The following ANO1 variants were observed in gnomAD, a reference collection of about 807,000 sequenced individuals.
The protein encoded by ANO1 is anoctamin 1.
ANO1 carries 59 observed loss-of-function variants against 124.0 expected under a neutral mutation model. That is an observed-to-expected ratio of 0.48 (90% confidence interval 0.39 to 0.59). The LOEUF is 0.59. ANO1 is among the 20% of genes least tolerant of loss of function. ANO1 has a pLI of 0.00. For synonymous variants in ANO1, 529 were observed against 532.0 expected (o/e 0.99, Z 0.08); for missense variants, 1,059 against 1,328.0 (o/e 0.80, Z 3.15).
At chr11:70,112,803 C>A (rs950738722) in intron 7 of ANO1, among the ~76,000 whole-genome samples, 10 of 152,182 alleles carry the variant, frequency 6.6e-5, no homozygotes, top group African/African-American at 2.4e-4. Context: ...AAGTGATCCA[C>A]CCACCTCAGC....
intron 5 of ANO1, among the ~76,000 whole-genome samples, chr11:70,106,283 A>C (rs537031453): frequency 6.6e-6 from 1 of 152,320 alleles, no homozygotes; most frequent in South Asian, 2.1e-4. Context: ...TGCCCTATTC[A>C]AGGCACTGGC....
intron 2 of ANO1, among the ~76,000 whole-genome samples, chr11:70,095,364 A>G (rs531427660): frequency 7.3e-5 from 2 of 27,306 alleles, no homozygotes; most frequent in South Asian, 3.0e-3. Flanking sequence ...GAAAGAAAGA[A>G]AGAAAGAAAG....
chr11:70,127,837 C>G (rs1212490117), intron 10 of ANO1, among the ~76,000 whole-genome samples: 1 of 152,266 alleles, frequency 6.6e-6, no homozygotes, highest in Non-Finnish European at 1.5e-5. Context: ...GGCAGGGTTT[C>G]TATGCCGACA....
At chr11:70,181,838 C>A (rs946708804) in intron 23 of ANO1, among the ~76,000 whole-genome samples, 1 of 151,896 alleles carries the variant, frequency 6.6e-6, no homozygotes, top group Admixed American at 6.6e-5. Flanking sequence ...TGTTCTAGAA[C>A]CTTCTAAGCT....
At chr11:70,184,881 G>A (rs1409530591) in intron 24 of ANO1, among the ~76,000 whole-genome samples, 3 of 152,070 alleles carry the variant, frequency 2.0e-5, no homozygotes, top group Admixed American at 1.3e-4. Flanking sequence ...CGAGTAGCTG[G>A]GAATACAGGC....
intron 8 of ANO1, among the ~76,000 whole-genome samples, chr11:70,118,629 G>A (rs1160396444): frequency 7.5e-6 from 1 of 133,842 alleles, no homozygotes; most frequent in East Asian, 2.6e-4. Flanking sequence ...TTATGGATGG[G>A]TGAATGGGTG....
chr11:70,103,928 C>A (rs2045382299), intron 3 of ANO1, 71 bp from the exon 4 acceptor site: 1 of 1,524,684 alleles, frequency 6.6e-7, no homozygotes, highest in Admixed American at 2.0e-5. Context: ...CTCTGACCAT[C>A]CGAGAACAGA....
At chr11:70,004,754 TG>T (rs1207057263) in intron 1 of ANO1, among the ~76,000 whole-genome samples, 1 of 152,186 alleles carries the variant, frequency 6.6e-6, no homozygotes, top group Admixed American at 6.5e-5. Context: ...TTTAACACAG[TG>T]GGCACAAGTG....
At chr11:69,987,721 T>A (rs61885142) in intron 1 of ANO1, among the ~76,000 whole-genome samples, 12,827 of 151,264 alleles carry the variant, frequency 0.085, 701 homozygotes, top group East Asian at 0.14. Context: ...CACCCAGCAA[T>A]GCTTCTAGGA....
At chr11:70,127,844 G>T (rs551198193) in intron 10 of ANO1, among the ~76,000 whole-genome samples, 1 of 152,254 alleles carries the variant, frequency 6.6e-6, no homozygotes, top group Non-Finnish European at 1.5e-5. Context: ...TTTCTATGCC[G>T]ACAGGCAGTG....
At chr11:70,075,974 C>T (rs545229292), upstream of ANO1, among the ~76,000 whole-genome samples, 9 of 152,212 alleles carry the variant, frequency 5.9e-5, no homozygotes, top group South Asian at 2.1e-4. Context: ...CCTAGACCCA[C>T]GAACCCCCGG....
At chr11:70,040,661 C>T (rs549329593) in intron 1 of ANO1, among the ~76,000 whole-genome samples, 4 of 152,156 alleles carry the variant, frequency 2.6e-5, no homozygotes, top group African/African-American at 4.8e-5. Flanking sequence ...GGTGACAGAG[C>T]GAGACTCTGT....
At position 70,106,324 on chromosome 11, in the gene ANO1, AG is replaced by A. The variant is rs1484868789; in HGVS notation, c.747+537del. 5.3e-5 allele frequency among the ~76,000 whole-genome samples: 8 copies of A among 152,216 alleles called. No homozygotes were observed. In the South Asian group the frequency reaches 1.7e-3, roughly 31 times the overall value. On this transcript the variant is annotated intron_variant, in intron 5 of 25. Transcript: ENST00000355303. ...GTTTATCCAACCTGTCCACCAGCCA[AG>A]CTGGGGCTGTGCATGGCTCAGGACC...
chr11:69,967,033 G>A, the ANO1 span, among the ~76,000 whole-genome samples: 8 of 152,292 alleles, frequency 5.3e-5, no homozygotes, highest in Non-Finnish European at 8.8e-5. Flanking sequence ...TGGCCTCCAC[G>A]CAGTAGAGGC....
In ANO1 at chr11:70,147,146, G is replaced by C. The variant is rs112637841; in HGVS notation, c.1259-2564G>C. 2.6e-5 allele frequency among the ~76,000 whole-genome samples: 4 copies of C among 152,362 alleles called. No homozygotes were observed. In the East Asian group the frequency reaches 7.7e-4, roughly 29 times the overall value. ...CGGGCAGTGCTCGGCCCCAGAAAGC[G>C]TCGTAAAAGGGCGTTGTTGGCCTGG... On this transcript the variant is annotated intron_variant, in intron 11 of 25. Coordinates refer to ENST00000355303, the MANE Select transcript of ANO1 (RefSeq NM_018043.7).
the ANO1 span, among the ~76,000 whole-genome samples, chr11:69,971,178 G>C: frequency 6.6e-6 from 1 of 152,192 alleles, no homozygotes; most frequent in Non-Finnish European, 1.5e-5. Context: ...GCACCAACTA[G>C]CTGGAGACCT....
chr11:70,115,689 G>T (rs1216277991), intron 7 of ANO1, among the ~76,000 whole-genome samples: 1 of 152,134 alleles, frequency 6.6e-6, no homozygotes, highest in Non-Finnish European at 1.5e-5. Context: ...CCTGAACCTC[G>T]ACAGGGCCGC....
At chr11:70,157,476 A>G (rs1240138300) in intron 16 of ANO1, among the ~76,000 whole-genome samples, 1 of 151,858 alleles carries the variant, frequency 6.6e-6, no homozygotes, top group Non-Finnish European at 1.5e-5. Flanking sequence ...TCCTCAGGGC[A>G]GTGGGTGGGG....
intron 1 of ANO1, among the ~76,000 whole-genome samples, chr11:69,988,914 T>A (rs557858968): frequency 7.0e-6 from 1 of 142,226 alleles, no homozygotes; most frequent in African/African-American, 2.7e-5. Context: ...AGGGAGGGAA[T>A]GAGGAAGGAA....
Sources: gnomAD v4.1 joint callset for allele counts (sites outside exome capture counted in the v4.1 genomes callset) on GRCh38, gnomAD v4.1.1 for gene constraint, MANE v1.5 for transcripts, NCBI Gene and HGNC (gene_info 2026-07-23, HGNC 2026-07-21) for gene names.